Variants in KCTD20 observed in about 807,000 individuals in gnomAD.
KCTD20 encodes the protein BTB/POZ domain-containing protein KCTD20.
Under a neutral mutation model 39.6 loss-of-function variants are expected in KCTD20, and 30 were observed. The ratio of observed to expected loss-of-function variants is 0.76; its 90% CI spans 0.57 to 1.03. The LOEUF is 1.03. KCTD20 is among the 50% of genes least tolerant of loss of function. The probability of loss-of-function intolerance (pLI) is 0.00; values close to 1 mark genes in which losing one functional copy is unlikely to be tolerated. For synonymous variants in KCTD20, 162 were observed against 180.6 expected, an observed-to-expected ratio of 0.90 and a Z score of 0.83; for missense variants, 422 against 522.0, an observed-to-expected ratio of 0.81 and a Z score of 1.87.
At position 36,487,275 on chromosome 6, in the gene KCTD20, C is replaced by T. The variant is rs1776456838; in HGVS notation, c.*100C>T. ...TGTCTCACCTTGAGTAGGAGACATGCTTCTCCCCTAACCTTTTCCTTTCTG... is the reference window on the plus strand; with the variant it reads ...TGTCTCACCTTGAGTAGGAGACATGTTTCTCCCCTAACCTTTTCCTTTCTG... On this transcript the variant is annotated 3_prime_UTR_variant, in exon 8 of 8. Coordinates refer to ENST00000373731, the MANE Select transcript of KCTD20 (RefSeq NM_173562.5). 2 of 1,186,562 alleles carry T rather than the reference C, an allele frequency of 1.7e-6. No individual in the cohort carries two copies. Among genetic ancestry groups the T allele is most frequent in the Admixed American group, 2.2e-5 (1 of 45,772 alleles). 73.5% of individuals were successfully genotyped at this position (1,186,562 alleles called of 1,614,324 possible). A position where few individuals can be genotyped will look rare whatever the true frequency, so the allele number is the denominator to read the frequency against.
At position 36,470,181 on chromosome 6, in the gene KCTD20, C is replaced by T; in HGVS notation, c.84C>T (p.Ala28=). 2 of 1,613,904 alleles carry T rather than the reference C, an allele frequency of 1.2e-6. No individual in the cohort carries two copies. The highest frequency in any genetic ancestry group is 1.7e-6 in the Non-Finnish European group (2 of 1,179,934). Residue 28 remains alanine, a synonymous_variant, in exon 2 of 8, where the codon GCC becomes GCT. Transcript: ENST00000373731. ...SCLVDDTLAV[A]QEKEANSLAS... The stretch of plus-strand genomic sequence containing the variant: ...TAGTGGATGATACTTTAGCTGTAGC[C>T]CAAGAAAAAGAAGCAAACAGCCTGG...
At chr6:36,474,478 T>C (rs1776004207) in intron 2 of KCTD20, among the ~76,000 whole-genome samples, 1 of 152,156 alleles carries the variant, frequency 6.6e-6, no homozygotes, top group Non-Finnish European at 1.5e-5. Context: ...TAAATTCTTC[T>C]CTACTGTTTT....
chr6:36,471,150 C>A (rs76508920), intron 2 of KCTD20, among the ~76,000 whole-genome samples: 555 of 138,210 alleles, frequency 4.0e-3, no homozygotes, highest in Non-Finnish European at 5.0e-3. Flanking sequence ...GACTGTGTCT[C>A]AAAAAAAAAA....
At chr6:36,470,832 T>C (rs1329032531) in intron 2 of KCTD20, among the ~76,000 whole-genome samples, 1 of 152,112 alleles carries the variant, frequency 6.6e-6, no homozygotes, top group Admixed American at 6.5e-5. Context: ...CCTCACTTTC[T>C]TAATCTAGAA....
chr6:36,457,742 T>C (rs1452675709), intron 1 of KCTD20, among the ~76,000 whole-genome samples: 1 of 152,184 alleles, frequency 6.6e-6, no homozygotes, highest in Non-Finnish European at 1.5e-5. Context: ...ATAGATTTAA[T>C]ATGCTAATCA....
At chr6:36,471,918 G>A (rs1468395079) in intron 2 of KCTD20, among the ~76,000 whole-genome samples, 1 of 151,022 alleles carries the variant, frequency 6.6e-6, no homozygotes, top group Admixed American at 6.6e-5. Context: ...GCGCGATCTC[G>A]GCTCACTGCA....
At chr6:36,483,737 T>G (rs1776332579) in intron 6 of KCTD20, among the ~76,000 whole-genome samples, 1 of 152,056 alleles carries the variant, frequency 6.6e-6, no homozygotes, top group South Asian at 2.1e-4. Context: ...TAGGCTAGTC[T>G]CAAACTCCAG....
In KCTD20 at chr6:36,449,074, A is replaced by G. The variant is rs931171934; in HGVS notation, c.-47+5963A>G. Among the ~76,000 whole-genome samples the G allele has an allele frequency of 3.9e-5, 6 of 152,284 alleles. No individual in the cohort carries two copies. The South Asian group carries it at 8.3e-4, about 21-fold the overall frequency. ...CAAAGAATGAGCAGCAGCAAGACTTATTGTGAGGAGCGAAAGAATAAAGCT... is the reference window on the plus strand; with the variant it reads ...CAAAGAATGAGCAGCAGCAAGACTTGTTGTGAGGAGCGAAAGAATAAAGCT... On this transcript the variant is annotated intron_variant, in intron 1 of 7. Transcript: ENST00000373731.
intron 6 of KCTD20, among the ~76,000 whole-genome samples, chr6:36,483,029 G>T (rs1377439696): frequency 6.7e-6 from 1 of 148,162 alleles, no homozygotes; most frequent in East Asian, 2.0e-4. Context: ...AGAGGCAGGA[G>T]AATCATTTGA....
At chr6:36,460,327 C>CCCT (rs35203667) in intron 1 of KCTD20, among the ~76,000 whole-genome samples, 54,543 of 151,244 alleles carry the variant, frequency 0.36, 10,511 homozygotes, top group East Asian at 0.54. Flanking sequence ...TTTTTTTTCC[C>CCCT]GAGACTGAGC....
chr6:36,468,552 G>A (rs1242099995), intron 1 of KCTD20, among the ~76,000 whole-genome samples: 2 of 152,182 alleles, frequency 1.3e-5, no homozygotes, highest in African/African-American at 4.8e-5. Context: ...CTTTGGTAAT[G>A]TTCTTTCCAA....
In KCTD20 at chr6:36,488,955, T is replaced by A. The variant is rs1310182692; in HGVS notation, c.*1780T>A. 3 of 152,702 alleles carry A rather than the reference T, an allele frequency of 2.0e-5. No individual in the cohort carries two copies. The highest frequency in any genetic ancestry group is 2.9e-5 in the Non-Finnish European group (2 of 68,058). The allele number at this position is 152,702 out of a possible 1,614,324, so 9.5% of individuals were successfully genotyped here. A position where few individuals can be genotyped will look rare whatever the true frequency, so the allele number is the denominator to read the frequency against. On this transcript the variant is annotated 3_prime_UTR_variant, in exon 8 of 8. Transcript: ENST00000373731. ...GCATCCATTTGCAAGGCCAATGGCC[T>A]GGATTAAGGGTTAGGATTATTTGTA...
chr6:36,479,467 T>G (rs1391136930), intron 4 of KCTD20, 124 bp from the exon 5 acceptor site: 1 of 901,496 alleles, frequency 1.1e-6, no homozygotes, highest in Non-Finnish European at 1.7e-6. Flanking sequence ...ATCTAATGAA[T>G]CATCCAATTT....
rs544922651 is a variant in KCTD20, at chr6:36,451,904, C to T, written c.-47+8793C>T. On this transcript the variant is annotated intron_variant, in intron 1 of 7. Coordinates refer to ENST00000373731, the MANE Select transcript of KCTD20 (RefSeq NM_173562.5). ...CAGCTCACTGCAACCTCCTCCTCCC[C>T]GGTTCAAGTGCTTTTCATGCCTCAG... 9.4e-4 allele frequency among the ~76,000 whole-genome samples: 143 copies of T among 152,234 alleles called. 1 individual carries two copies. The highest frequency in any genetic ancestry group is 5.9e-4 in the Admixed American group (9 of 15,278).
rs1476256818 is a variant in KCTD20 at position 36,490,403 on chromosome 6, G to A, written c.*3228G>A. On this transcript the variant is annotated 3_prime_UTR_variant, in exon 8 of 8. Transcript: ENST00000373731. ...TACAAAAAAATTAGCCCGGTGTGGT[G>A]GCAAGTGCCTGTAGTCCCAGCTACT... 4 of 152,290 alleles carry A rather than the reference G, an allele frequency of 2.6e-5. No individual in the cohort carries two copies. Among genetic ancestry groups the A allele is most frequent in the Admixed American group, 2.0e-4 (3 of 15,276 alleles). The allele number at this position is 152,290 out of a possible 1,614,324, so 9.4% of individuals were successfully genotyped here. A position where few individuals can be genotyped will look rare whatever the true frequency, so the allele number is the denominator to read the frequency against.
At chr6:36,478,300 A>G (rs988321943) in intron 3 of KCTD20, among the ~76,000 whole-genome samples, 7 of 152,158 alleles carry the variant, frequency 4.6e-5, no homozygotes, top group African/African-American at 1.7e-4. Flanking sequence ...GCTCATACAC[A>G]GAAGTGCAGC....
intron 1 of KCTD20, among the ~76,000 whole-genome samples, chr6:36,453,517 GT>G (rs545358597): frequency 3.9e-4 from 52 of 134,874 alleles, no homozygotes; most frequent in East Asian, 6.4e-4. Flanking sequence ...TTTGTTTTTT[GT>G]TTTTTTTTTT....
intron 1 of KCTD20, chr6:36,451,074 A>T (rs1029261509): frequency 6.6e-6 from 1 of 152,118 alleles, no homozygotes; most frequent in African/African-American, 2.4e-5. Flanking sequence ...CTGGGAGGTC[A>T]CCATTGATGC....
chr6:36,476,963 A>G (rs1776082140), intron 3 of KCTD20, among the ~76,000 whole-genome samples: 1 of 152,192 alleles, frequency 6.6e-6, no homozygotes, highest in South Asian at 2.1e-4. Flanking sequence ...GATCAAGAGA[A>G]GAAAGGCAAA....
Sources: allele counts gnomAD v4.1 joint callset (sites outside exome capture counted in the v4.1 genomes callset), GRCh38; gene constraint gnomAD v4.1.1; transcripts MANE v1.5; gene names NCBI Gene and HGNC (gene_info 2026-07-23, HGNC 2026-07-21).